GINS1: variants seen among roughly 807,000 people sequenced by gnomAD.
GINS1 encodes GINS complex subunit 1, also known as DNA replication complex GINS protein PSF1.
In GINS1, 26 loss-of-function variants were observed where a neutral mutation model predicts 34.9. The ratio of observed to expected loss-of-function variants is 0.74; its 90% CI spans 0.55 to 1.03. GINS1 has a LOEUF of 1.03. GINS1 is among the 50% of genes least tolerant of loss of function. The pLI is 0.00. For missense variants in GINS1, 235 were observed against 237.9 expected, an observed-to-expected ratio of 0.99 and a Z score of 0.08; for synonymous variants, 97 against 84.4, an observed-to-expected ratio of 1.15 and a Z score of -0.82.
intron 5 of GINS1, among the ~76,000 whole-genome samples, chr20:25,426,965 G>C (rs548765320): frequency 6.6e-6 from 1 of 151,870 alleles, no homozygotes. Flanking sequence ...TGCTATGAAC[G>C]TGGATATATA....
chr20:25,413,443 T>C lies in GINS1; in HGVS notation c.76-347T>C, dbSNP rs77694840. ...TGGGTTGTTTCTACATTTTTATTGT[T>C]ATGAATAATGCTGCAAAAAACATGT... On this transcript the variant is annotated intron_variant, in intron 1 of 6. Transcript: ENST00000262460. 74 of 193,466 alleles carry C rather than the reference T, an allele frequency of 3.8e-4. No individual in the cohort carries two copies. In the East Asian group the frequency reaches 8.9e-3, roughly 23 times the overall value. The allele number at this position is 193,466 out of a possible 1,614,324, so 12.0% of individuals were successfully genotyped here. A position where few individuals can be genotyped will look rare whatever the true frequency, so the allele number is the denominator to read the frequency against.
chr20:25,425,437 A>G, intron 5 of GINS1, 110 bp downstream of exon 5: 1 of 547,720 alleles, frequency 1.8e-6, no homozygotes, highest in South Asian at 3.0e-5. Flanking sequence ...ATAGAAAAGA[A>G]GCATAGACCA....
At chr20:25,435,662 G>A (rs2090450055) in intron 5 of GINS1, among the ~76,000 whole-genome samples, 1 of 151,260 alleles carries the variant, frequency 6.6e-6, no homozygotes, top group South Asian at 2.1e-4. Context: ...GAAGGCTGAG[G>A]GAGGAGAATT....
intron 4 of GINS1, among the ~76,000 whole-genome samples, chr20:25,422,638 A>G (rs367642147): frequency 1.3e-4 from 20 of 152,216 alleles, no homozygotes; most frequent in African/African-American, 4.8e-4. Flanking sequence ...ATGCATTTCT[A>G]AACACTATAA....
Position 25,446,530 on chromosome 20 carries a change from T to C in GINS1, c.*539T>C, listed in dbSNP as rs371295950. On this transcript the variant is annotated 3_prime_UTR_variant, in exon 7 of 7. Transcript: ENST00000262460. The stretch of plus-strand genomic sequence containing the variant: ...GTATTGTACAAGCTAGAGAGCTGAA[T>C]TTCTGAGATACACATTTTCAAATCA... 2 of 152,290 alleles carry C rather than the reference T, an allele frequency of 1.3e-5. No homozygotes were observed. Among genetic ancestry groups the C allele is most frequent in the African/African-American group, 4.8e-5 (2 of 41,466 alleles). The allele number at this position is 152,290 out of a possible 1,614,324, so 9.4% of individuals were successfully genotyped here. A position where few individuals can be genotyped will look rare whatever the true frequency, so the allele number is the denominator to read the frequency against.
Position 25,413,917 on chromosome 20 carries a change from C to T in GINS1, c.140+63C>T, listed in dbSNP as rs372933567. On this transcript the variant is annotated intron_variant, in intron 2 of 6. Transcript: ENST00000262460. ...AATTAAGATGTTGAAATTGGCCGGGCGCGGTGGCTCACGCCTGTAATCCCA... is the reference window on the plus strand; with the variant it reads ...AATTAAGATGTTGAAATTGGCCGGGTGCGGTGGCTCACGCCTGTAATCCCA... The T allele has an allele frequency of 3.8e-4, 367 of 974,208 alleles. 1 individual carries two copies. Among genetic ancestry groups the T allele is most frequent in the South Asian group, 2.8e-4 (22 of 77,566 alleles). 60.3% of individuals were successfully genotyped at this position (974,208 alleles called of 1,614,324 possible).
intron 2 of GINS1, among the ~76,000 whole-genome samples, chr20:25,415,579 G>A (rs749899866): frequency 1.8e-4 from 27 of 152,120 alleles, no homozygotes; most frequent in Non-Finnish European, 2.8e-4. Flanking sequence ...CAGCTACTCC[G>A]GAGGTTGAGG....
At chr20:25,422,642 A>G (rs553290036) in intron 4 of GINS1, among the ~76,000 whole-genome samples, 2 of 152,224 alleles carry the variant, frequency 1.3e-5, no homozygotes, top group East Asian at 1.9e-4. Flanking sequence ...ATTTCTAAAC[A>G]CTATAATTTA....
intron 5 of GINS1, among the ~76,000 whole-genome samples, chr20:25,428,596 G>A (rs563552077): frequency 6.6e-6 from 1 of 151,516 alleles, no homozygotes; most frequent in East Asian, 2.0e-4. Flanking sequence ...AGTAGAGACG[G>A]GGTTTCACCG....
chr20:25,428,397 CTTTTTT>C (rs544831869), intron 5 of GINS1, among the ~76,000 whole-genome samples: 9 of 66,580 alleles, frequency 1.4e-4, no homozygotes, highest in Admixed American at 2.4e-4. Flanking sequence ...AGCATAATTT[CTTTTTT>C]TTTTTTTTTT....
intron 4 of GINS1, among the ~76,000 whole-genome samples, chr20:25,422,431 CAAAA>C (rs963998076): frequency 1.3e-5 from 2 of 149,450 alleles, no homozygotes; most frequent in Non-Finnish European, 1.5e-5. Flanking sequence ...AAAAAAAAAA[CAAAA>C]AAAAACTTAG....
chr20:25,416,367 A>G (rs2090320528), intron 2 of GINS1, among the ~76,000 whole-genome samples: 1 of 152,176 alleles, frequency 6.6e-6, no homozygotes, highest in Non-Finnish European at 1.5e-5. Context: ...TGGCAGAAGT[A>G]TATAGAACAG....
intron 4 of GINS1, among the ~76,000 whole-genome samples, chr20:25,423,244 G>C (rs940028971): frequency 2.0e-5 from 3 of 150,684 alleles, no homozygotes; most frequent in Non-Finnish European, 2.9e-5. Context: ...CTCTGGAGTA[G>C]CTGGGACTAC....
intron 5 of GINS1, among the ~76,000 whole-genome samples, chr20:25,437,595 T>A (rs1205468244): frequency 1.3e-5 from 2 of 152,254 alleles, no homozygotes; most frequent in Non-Finnish European, 2.9e-5. Flanking sequence ...TCCTGATGTT[T>A]CCTACTCCAC....
At chr20:25,436,880 T>C (rs2090457337) in intron 5 of GINS1, among the ~76,000 whole-genome samples, 1 of 152,210 alleles carries the variant, frequency 6.6e-6, no homozygotes, top group Non-Finnish European at 1.5e-5. Flanking sequence ...ATTTGATTGT[T>C]TTTGCTGAAA....
chr20:25,415,654 C>T (rs2090315905), intron 2 of GINS1, among the ~76,000 whole-genome samples: 1 of 145,066 alleles, frequency 6.9e-6, no homozygotes, highest in Non-Finnish European at 1.5e-5. Flanking sequence ...CATTGCACTC[C>T]AGCTTGGGCA....
intron 5 of GINS1, among the ~76,000 whole-genome samples, chr20:25,439,585 T>TA (rs949057792): frequency 3.3e-5 from 5 of 151,006 alleles, no homozygotes; most frequent in East Asian, 1.9e-4. Context: ...ACAAGACATT[T>TA]AAAAAAAAAG....
intron 4 of GINS1, among the ~76,000 whole-genome samples, chr20:25,423,153 C>G (rs1238931493): frequency 6.8e-6 from 1 of 146,800 alleles, no homozygotes; most frequent in Admixed American, 6.8e-5. Context: ...TTGACTCTGT[C>G]GCACAGGCTG....
chr20:25,430,448 CA>C (rs2090420666), intron 5 of GINS1, among the ~76,000 whole-genome samples: 1 of 152,132 alleles, frequency 6.6e-6, no homozygotes, highest in Non-Finnish European at 1.5e-5. Flanking sequence ...CCTTGCATTC[CA>C]AAAATAAATC....
Sources: gnomAD v4.1 joint callset for allele counts (sites outside exome capture counted in the v4.1 genomes callset) on GRCh38, gnomAD v4.1.1 for gene constraint, MANE v1.5 for transcripts, NCBI Gene and HGNC (gene_info 2026-07-23, HGNC 2026-07-21) for gene names.